Variants in SCLT1 observed in about 807,000 individuals in gnomAD.
SCLT1 encodes the protein sodium channel-associated protein 1.
In SCLT1, 78 loss-of-function variants were observed where a neutral mutation model predicts 112.8. The observed-to-expected ratio is 0.69, with a 90% CI of 0.58 to 0.83. The LOEUF is 0.83. SCLT1 is among the 40% of genes least tolerant of loss of function. SCLT1 has a pLI of 0.00. For synonymous variants in SCLT1, 257 were observed against 254.7 expected, an observed-to-expected ratio of 1.01 and a Z score of -0.09; for missense variants, 747 against 770.4, an observed-to-expected ratio of 0.97 and a Z score of 0.36.
At chr4:128,897,596 A>G (rs562209880) in intron 18 of SCLT1, among the ~76,000 whole-genome samples, 64 of 152,224 alleles carry the variant, frequency 4.2e-4, no homozygotes, top group African/African-American at 1.4e-3. Flanking sequence ...CATCGAGGCT[A>G]GGAAAAAACT....
At chr4:128,939,177 C>T (rs1028410650) in intron 17 of SCLT1, among the ~76,000 whole-genome samples, 6 of 152,304 alleles carry the variant, frequency 3.9e-5, no homozygotes, top group African/African-American at 1.4e-4. Context: ...TGTTGTGCCA[C>T]ACTATTCCCT....
chr4:129,006,029 G>T (rs1743977820), intron 5 of SCLT1, among the ~76,000 whole-genome samples: 1 of 102,216 alleles, frequency 9.8e-6, no homozygotes, highest in Non-Finnish European at 1.9e-5. Flanking sequence ...GGTGGGGGGA[G>T]GGGGGAGGGA....
chr4:128,939,301 C>T (rs1737479631), intron 17 of SCLT1, among the ~76,000 whole-genome samples: 2 of 152,138 alleles, frequency 1.3e-5, no homozygotes, highest in Non-Finnish European at 2.9e-5. Context: ...TTTTGGAACA[C>T]AGTACGGTTG....
intron 1 of SCLT1, among the ~76,000 whole-genome samples, chr4:129,086,315 A>G (rs62316981): frequency 0.066 from 31 of 470 alleles, no homozygotes; most frequent in African/African-American, 0.1. Flanking sequence ...GTATGTATGT[A>G]TATATATATA....
At chr4:129,016,904 CAGA>C (rs1165927777) in intron 5 of SCLT1, among the ~76,000 whole-genome samples, 2 of 152,116 alleles carry the variant, frequency 1.3e-5, no homozygotes. Flanking sequence ...TAGTTTTTCT[CAGA>C]AGAAGCCTGA....
At chr4:128,968,590 C>T (rs1391784451) in intron 10 of SCLT1, among the ~76,000 whole-genome samples, 1 of 152,142 alleles carries the variant, frequency 6.6e-6, no homozygotes, top group Non-Finnish European at 1.5e-5. Context: ...TGGCTTCCTC[C>T]CTCAGCACCT....
chr4:128,895,337 C>T (rs1361852392), intron 18 of SCLT1, among the ~76,000 whole-genome samples: 1 of 152,134 alleles, frequency 6.6e-6, no homozygotes, highest in African/African-American at 2.4e-5. Flanking sequence ...AGTCCAAATT[C>T]CTGAGAATGT....
At chr4:129,020,918 T>A (rs1403533954) in intron 5 of SCLT1, among the ~76,000 whole-genome samples, 1 of 152,080 alleles carries the variant, frequency 6.6e-6, no homozygotes, top group Non-Finnish European at 1.5e-5. Flanking sequence ...CACATTCTAG[T>A]GGAAAAGACA....
At chr4:129,033,058 C>A (rs111266539) in intron 5 of SCLT1, among the ~76,000 whole-genome samples, 1 of 152,064 alleles carries the variant, frequency 6.6e-6, no homozygotes, top group South Asian at 2.1e-4. Flanking sequence ...GCACTATTTA[C>A]AATAGCAAAG....
intron 18 of SCLT1, among the ~76,000 whole-genome samples, chr4:128,931,564 G>A (rs60220536): frequency 2.6e-5 from 4 of 152,108 alleles, no homozygotes; most frequent in Non-Finnish European, 5.9e-5. Flanking sequence ...CCGGGTTCAC[G>A]CCATTCTCCC....
intron 4 of SCLT1, among the ~76,000 whole-genome samples, chr4:128,875,708 AAG>A (rs1311650293): frequency 6.6e-6 from 1 of 152,222 alleles, no homozygotes; most frequent in Non-Finnish European, 1.5e-5. Context: ...GGCATTTAGT[AAG>A]TGGTAGGCTA....
chr4:128,990,484 T>A (rs1409687682), intron 9 of SCLT1, among the ~76,000 whole-genome samples: 1 of 151,824 alleles, frequency 6.6e-6, no homozygotes, highest in African/African-American at 2.4e-5. Flanking sequence ...ACGGGTAATA[T>A]CATACTGAAT....
intron 2 of SCLT1, among the ~76,000 whole-genome samples, chr4:129,071,933 G>A (rs1751049307): frequency 6.6e-6 from 1 of 152,066 alleles, no homozygotes; most frequent in Non-Finnish European, 1.5e-5. Flanking sequence ...GCTTTAAAGA[G>A]GTTCTGTTTT....
intron 18 of SCLT1, among the ~76,000 whole-genome samples, chr4:128,895,871 C>T (rs919979850): frequency 3.9e-5 from 6 of 152,208 alleles, no homozygotes; most frequent in South Asian, 2.1e-4. Context: ...TCTTAGCAAA[C>T]GGCACACCAG....
chr4:128,921,337 C>T (rs1354177212), intron 18 of SCLT1, among the ~76,000 whole-genome samples: 2 of 146,772 alleles, frequency 1.4e-5, no homozygotes, highest in Non-Finnish European at 3.0e-5. Flanking sequence ...AAAAAGAGAT[C>T]GAATAGCCAA....
intron 20 of SCLT1, among the ~76,000 whole-genome samples, chr4:128,886,808 A>C (rs544553897): frequency 2.6e-5 from 4 of 152,312 alleles, no homozygotes; most frequent in South Asian, 4.1e-4. Flanking sequence ...TTCAGGGGAG[A>C]AACTAAACTA....
rs555685217 is a variant in SCLT1, at chr4:128,954,668, A to G, written c.1147-1828T>C. Among the ~76,000 whole-genome samples the G allele has an allele frequency of 6.5e-4, 99 of 152,330 alleles. 1 individual carries two copies. The highest frequency in any genetic ancestry group is 6.2e-3 in the Admixed American group (95 of 15,306). ...ACTTTTCCTATGAATAATTATATTAAGAATCAATGTATTCTGTTTATGAAA... is the reference window on the plus strand; with the variant it reads ...ACTTTTCCTATGAATAATTATATTAGGAATCAATGTATTCTGTTTATGAAA... On this transcript the variant is annotated intron_variant, in intron 13 of 20. Coordinates refer to ENST00000281142, the MANE Select transcript of SCLT1 (RefSeq NM_144643.4).
chr4:128,995,284 G>A (rs950734475), intron 8 of SCLT1, among the ~76,000 whole-genome samples: 24 of 152,002 alleles, frequency 1.6e-4, no homozygotes, highest in African/African-American at 5.8e-4. Context: ...CCGTTATTGT[G>A]TTCTTTAGGT....
intron 10 of SCLT1, among the ~76,000 whole-genome samples, chr4:128,966,466 T>C (rs889010108): frequency 3.3e-5 from 5 of 152,222 alleles, no homozygotes; most frequent in Admixed American, 2.6e-4. Context: ...AGTGCCATTG[T>C]TGTCATATAT....
Sources: allele counts gnomAD v4.1 joint callset (sites outside exome capture counted in the v4.1 genomes callset), GRCh38; gene constraint gnomAD v4.1.1; transcripts MANE v1.5; gene names NCBI Gene and HGNC (gene_info 2026-07-23, HGNC 2026-07-21).